The following TRIM2 variants were observed in gnomAD, a reference collection of about 807,000 sequenced individuals.
TRIM2 encodes tripartite motif-containing protein 2.
A neutral mutation model predicts 75.2 loss-of-function variants in TRIM2; 20 were observed. The ratio of observed to expected loss-of-function variants is 0.27; its 90% CI spans 0.19 to 0.39. The LOEUF (loss-of-function observed/expected upper bound fraction) is 0.39, where lower values mean the gene tolerates loss of function less well. Ranked by LOEUF, TRIM2 falls within the 10% of genes least tolerant of loss-of-function variation. The pLI is 1.00. For synonymous variants in TRIM2, 373 were observed against 388.3 expected (o/e 0.96, Z 0.46); for missense variants, 660 against 990.8 (o/e 0.67, Z 4.48).
At chr4:153,300,097 A>G (rs1182817979) in intron 6 of TRIM2, among the ~76,000 whole-genome samples, 1 of 152,250 alleles carries the variant, frequency 6.6e-6, no homozygotes. Flanking sequence ...TAACAGATAT[A>G]TACCCAGTAC....
At chr4:153,330,118 C>T (rs1033537970) in intron 11 of TRIM2, among the ~76,000 whole-genome samples, 2 of 152,066 alleles carry the variant, frequency 1.3e-5, no homozygotes, top group Non-Finnish European at 2.9e-5. Context: ...CCACAACTCC[C>T]GTATGAAATA....
intron 1 of TRIM2, among the ~76,000 whole-genome samples, chr4:153,231,824 A>G (rs1267562232): frequency 6.6e-6 from 1 of 152,062 alleles, no homozygotes; most frequent in Non-Finnish European, 1.5e-5. Context: ...CATCAGTCAT[A>G]TTGGATTAGG....
intron 1 of TRIM2, among the ~76,000 whole-genome samples, chr4:153,219,529 T>A (rs1414607355): frequency 6.6e-6 from 1 of 152,026 alleles, no homozygotes; most frequent in Non-Finnish European, 1.5e-5. Context: ...ATGTGGCCAT[T>A]GAGAGAAAAG....
intron 3 of TRIM2, among the ~76,000 whole-genome samples, chr4:153,282,637 G>A (rs1759598462): frequency 1.3e-5 from 2 of 152,068 alleles, no homozygotes; most frequent in African/African-American, 4.8e-5. Flanking sequence ...TTTTGAGACA[G>A]GATCTCACTC....
At chr4:153,333,143 G>A (rs1482980705) in intron 11 of TRIM2, among the ~76,000 whole-genome samples, 2 of 152,070 alleles carry the variant, frequency 1.3e-5, no homozygotes, top group African/African-American at 2.4e-5. Context: ...GCATTAAAAC[G>A]GAACAGACTA....
intron 1 of TRIM2, among the ~76,000 whole-genome samples, chr4:153,243,200 C>T (rs1326752873): frequency 6.6e-6 from 1 of 152,220 alleles, no homozygotes; most frequent in Non-Finnish European, 1.5e-5. Context: ...TAGGGTGGAG[C>T]CCCCAAGCTT....
At chr4:153,210,146 C>T (rs1736589301) in intron 1 of TRIM2, among the ~76,000 whole-genome samples, 1 of 144,978 alleles carries the variant, frequency 6.9e-6, no homozygotes, top group Non-Finnish European at 1.5e-5. Flanking sequence ...CTCACTGCAA[C>T]TTTCACCTCC....
At chr4:153,175,012 GTTTTGT>G (rs142792673) in intron 1 of TRIM2, among the ~76,000 whole-genome samples, 66,773 of 149,166 alleles carry the variant, frequency 0.45, 14,742 homozygotes, top group Admixed American at 0.47. Context: ...TTTTTGTTTT[GTTTTGT>G]TTTTTTTTGA....
intron 1 of TRIM2, among the ~76,000 whole-genome samples, chr4:153,220,462 C>G (rs1739650807): frequency 1.3e-5 from 2 of 152,034 alleles, no homozygotes; most frequent in African/African-American, 4.8e-5. Flanking sequence ...ACTATTAGGA[C>G]ACCATCAAGA....
chr4:153,320,760 G>C (rs1768764410), intron 8 of TRIM2, among the ~76,000 whole-genome samples: 1 of 152,094 alleles, frequency 6.6e-6, no homozygotes, highest in Admixed American at 6.6e-5. Flanking sequence ...AGCCTCCTGA[G>C]TAGCTGGAAT....
chr4:153,207,009 C>CCTACCAAAGCA (rs1339732702), intron 1 of TRIM2, among the ~76,000 whole-genome samples: 3 of 152,146 alleles, frequency 2.0e-5, no homozygotes, highest in Non-Finnish European at 2.9e-5. Context: ...CCCGCCTCAG[C>CCTACCAAAGCA]CTACCAAAGT....
chr4:153,253,524 G>A (rs998045117), intron 1 of TRIM2, among the ~76,000 whole-genome samples: 3 of 152,226 alleles, frequency 2.0e-5, no homozygotes, highest in African/African-American at 7.2e-5. Flanking sequence ...TGTCAGAGGT[G>A]TTTGAACCTG....
At chr4:153,226,696 G>A (rs11723625) in intron 1 of TRIM2, among the ~76,000 whole-genome samples, 3,727 of 152,226 alleles carry the variant, frequency 0.024, 64 homozygotes, top group South Asian at 0.043. Flanking sequence ...TAGCGTTTTA[G>A]TACTCTCATT....
intron 4 of TRIM2, among the ~76,000 whole-genome samples, chr4:153,294,004 C>T (rs144712102): frequency 2.0e-4 from 31 of 152,116 alleles, no homozygotes; most frequent in Middle Eastern, 3.4e-3. Flanking sequence ...GCCCCTGCAA[C>T]GAAGAATTAA....
At chr4:153,174,181 C>T (rs1731179845) in intron 1 of TRIM2, among the ~76,000 whole-genome samples, 1 of 74,378 alleles carries the variant, frequency 1.3e-5, no homozygotes, top group African/African-American at 6.4e-5. Flanking sequence ...CTTCTCCTTA[C>T]ACTTCTGGGG....
intron 6 of TRIM2, among the ~76,000 whole-genome samples, chr4:153,302,612 G>A (rs1261611197): frequency 6.6e-6 from 1 of 152,214 alleles, no homozygotes; most frequent in South Asian, 2.1e-4. Context: ...AGACATGATT[G>A]TTATTTTGGA....
At chr4:153,195,079 G>C (rs1425430113) in intron 1 of TRIM2, among the ~76,000 whole-genome samples, 1 of 152,192 alleles carries the variant, frequency 6.6e-6, no homozygotes, top group Non-Finnish European at 1.5e-5. Flanking sequence ...AGGATGTCAA[G>C]ATAAAAATCA....
chr4:153,172,515 A>C (rs892028428), intron 1 of TRIM2, among the ~76,000 whole-genome samples: 8 of 152,126 alleles, frequency 5.3e-5, no homozygotes, highest in Admixed American at 5.2e-4. Flanking sequence ...CTGACTCTGG[A>C]AACACTTCCT....
intron 6 of TRIM2, among the ~76,000 whole-genome samples, chr4:153,297,116 G>A (rs1213984108): frequency 1.3e-5 from 2 of 152,190 alleles, no homozygotes; most frequent in Non-Finnish European, 2.9e-5. Context: ...TCCCTGGAAC[G>A]TCTTGGGAAA....
Sources: gnomAD v4.1 joint callset for allele counts (sites outside exome capture counted in the v4.1 genomes callset) on GRCh38, gnomAD v4.1.1 for gene constraint, MANE v1.5 for transcripts, NCBI Gene and HGNC (gene_info 2026-07-23, HGNC 2026-07-21) for gene names.